GFI1B: variants seen among roughly 807,000 people sequenced by gnomAD.
GFI1B encodes zinc finger protein Gfi-1b.
A neutral mutation model predicts 35.3 loss-of-function variants in GFI1B; 20 were observed. The ratio of observed to expected loss-of-function variants is 0.57; its 90% CI spans 0.40 to 0.82. The LOEUF (loss-of-function observed/expected upper bound fraction) is 0.82, where lower values mean the gene tolerates loss of function less well. Among genes scored for constraint, GFI1B ranks in the 40% least tolerant of loss-of-function variants. The pLI is 0.00. For synonymous variants in GFI1B, 178 were observed against 177.6 expected (o/e 1.00, Z -0.02); for missense variants, 430 against 446.3 (o/e 0.96, Z 0.33).
intron 1 of GFI1B, among the ~76,000 whole-genome samples, chr9:132,979,109 C>T (rs1444842876): frequency 6.6e-6 from 1 of 152,196 alleles, no homozygotes; most frequent in Non-Finnish European, 1.5e-5. Context: ...CACCTTCGGG[C>T]ACAAAGTCAT....
At chr9:132,959,844 C>T (rs1848338547) in intron 1 of GFI1B, among the ~76,000 whole-genome samples, 1 of 152,236 alleles carries the variant, frequency 6.6e-6, no homozygotes, top group Non-Finnish European at 1.5e-5. Flanking sequence ...CTCTGTGTCC[C>T]TCTGTGTTTG....
chr9:132,976,815 G>A (rs1373364230), upstream of GFI1B, among the ~76,000 whole-genome samples: 4 of 152,096 alleles, frequency 2.6e-5, no homozygotes, highest in East Asian at 1.9e-4. Flanking sequence ...ATGGTGGTGC[G>A]CCTGTAGTCC....
Position 132,950,702 on chromosome 9 carries a change from T to C in GFI1B, c.-701+5033T>C, listed in dbSNP as rs1241538630. On this transcript the variant is annotated intron_variant, in intron 1 of 10. Coordinates refer to the GFI1B transcript ENST00000339463. ...ATACACACTATGCACTACACTATAC[T>C]ATACACTACACTACACTATACACTA... Among the ~76,000 whole-genome samples the C allele has an allele frequency of 3.7e-5, 3 of 80,914 alleles. 1 individual carries two copies. The highest frequency in any genetic ancestry group is 1.9e-4 in the African/African-American group (3 of 15,456). 53.1% of individuals were successfully genotyped at this position (80,914 alleles called of 152,430 possible).
intron 1 of GFI1B, among the ~76,000 whole-genome samples, chr9:132,972,563 C>T (rs942260981): frequency 7.2e-5 from 11 of 152,160 alleles, no homozygotes; most frequent in Non-Finnish European, 1.0e-4. Context: ...GCACTCCAGC[C>T]TGGGCGACAG....
intron 1 of GFI1B, among the ~76,000 whole-genome samples, chr9:132,964,359 A>G (rs1020284145): frequency 2.6e-5 from 4 of 152,230 alleles, no homozygotes; most frequent in Non-Finnish European, 5.9e-5. Context: ...TATGCAATCT[A>G]TGCATATAAC....
chr9:132,984,252 A>G (rs1848940067), intron 1 of GFI1B, among the ~76,000 whole-genome samples: 1 of 151,936 alleles, frequency 6.6e-6, no homozygotes, highest in Non-Finnish European at 1.5e-5. Flanking sequence ...CTCTCCCCCT[A>G]GGGTCTGGCC....
chr9:132,948,683 C>A lies in GFI1B; in HGVS notation c.-701+3014C>A, dbSNP rs568644502. ...GCTTCTGCTGGCAGCCCCCAAGGCC[C>A]TCTGCAGCCCCGGCCTCTCTAGCGC... On this transcript the variant is annotated intron_variant, in intron 1 of 10. Coordinates refer to the GFI1B transcript ENST00000339463. Among the ~76,000 whole-genome samples, 5 of 152,364 alleles carry A rather than the reference C, an allele frequency of 3.3e-5. No homozygotes were observed. In the South Asian group the frequency reaches 1.0e-3, roughly 32 times the overall value.
At chr9:132,981,718 C>T (rs1015311880) in intron 1 of GFI1B, among the ~76,000 whole-genome samples, 3 of 152,074 alleles carry the variant, frequency 2.0e-5, no homozygotes, top group African/African-American at 7.2e-5. Context: ...GGCTCATTTT[C>T]CCCCGACTCC....
At chr9:132,948,993 C>G (rs563901851) in intron 1 of GFI1B, among the ~76,000 whole-genome samples, 8 of 152,212 alleles carry the variant, frequency 5.3e-5, no homozygotes, top group African/African-American at 1.9e-4. Context: ...CCGTGAGGCA[C>G]AGCTCCTGCT....
At chr9:132,990,755 T>C in intron 6 of GFI1B, 117 bp from the exon 7 acceptor site, 1 of 840,284 alleles carries the variant, frequency 1.2e-6, no homozygotes, top group Non-Finnish European at 2.0e-6. Context: ...GAGTTGGCCA[T>C]GAGAGAAAAC....
chr9:132,977,181 T>C (rs993812062), upstream of GFI1B, among the ~76,000 whole-genome samples: 2 of 152,172 alleles, frequency 1.3e-5, no homozygotes, highest in African/African-American at 4.8e-5. Flanking sequence ...GGTCTTGAAC[T>C]CCCGATCTCA....
chr9:132,956,237 G>A (rs1848281735), intron 1 of GFI1B, among the ~76,000 whole-genome samples: 1 of 152,032 alleles, frequency 6.6e-6, no homozygotes, highest in Non-Finnish European at 1.5e-5. Context: ...CTGTTGTAAG[G>A]TAAAACTTTC....
intron 1 of GFI1B, among the ~76,000 whole-genome samples, chr9:132,959,940 A>G (rs1485555195): frequency 2.0e-5 from 3 of 152,182 alleles, no homozygotes; most frequent in African/African-American, 7.2e-5. Flanking sequence ...TTCATCTTCA[A>G]AGACTCCCTT....
chr9:132,961,688 T>A (rs11243955), intron 1 of GFI1B, among the ~76,000 whole-genome samples: 19,571 of 150,248 alleles, frequency 0.13, 1,391 homozygotes, highest in Admixed American at 0.16. Context: ...GCCTCCCGGG[T>A]TCACGCCATC....
downstream of GFI1B, among the ~76,000 whole-genome samples, chr9:132,992,199 C>T (rs920031964): frequency 1.5e-4 from 23 of 152,106 alleles, no homozygotes; most frequent in Admixed American, 5.2e-4. Flanking sequence ...CTTCTGCCTC[C>T]ATCTCTGTCT....
chr9:132,968,541 G>A (rs1305568492), intron 1 of GFI1B, among the ~76,000 whole-genome samples: 2 of 152,172 alleles, frequency 1.3e-5, no homozygotes, highest in African/African-American at 4.8e-5. Flanking sequence ...ATAGGTAGTA[G>A]ATATTGGGGT....
intron 1 of GFI1B, among the ~76,000 whole-genome samples, chr9:132,980,895 T>TTTTG (rs112055013): frequency 0.13 from 20,241 of 151,602 alleles, 1,907 homozygotes; most frequent in East Asian, 0.35. Context: ...CTAGACCACA[T>TTTTG]TTTGTTTGTT....
chr9:132,958,196 G>C (rs1848311590), intron 1 of GFI1B, among the ~76,000 whole-genome samples: 1 of 152,166 alleles, frequency 6.6e-6, no homozygotes, highest in Admixed American at 6.5e-5. Flanking sequence ...TTAGAAACAG[G>C]ATGCAGTACT....
At chr9:132,979,149 G>A (rs1314435818) in intron 1 of GFI1B, among the ~76,000 whole-genome samples, 2 of 152,104 alleles carry the variant, frequency 1.3e-5, no homozygotes, top group African/African-American at 4.8e-5. Context: ...TGGGGACCTG[G>A]GCAGTGCTCA....
Sources: gnomAD v4.1 joint callset for allele counts (sites outside exome capture counted in the v4.1 genomes callset) on GRCh38, gnomAD v4.1.1 for gene constraint, MANE v1.5 for transcripts, NCBI Gene and HGNC (gene_info 2026-07-23, HGNC 2026-07-21) for gene names.